TANK: variants seen among roughly 807,000 people sequenced by gnomAD.
The protein encoded by TANK is TRAF family member-associated NF-kappa-B activator.
A neutral mutation model predicts 43.6 loss-of-function variants in TANK; 15 were observed. The observed-to-expected ratio is 0.34, with a 90% CI of 0.23 to 0.53. The LOEUF is 0.53. Among genes scored for constraint, TANK ranks in the 20% least tolerant of loss-of-function variants. The probability of loss-of-function intolerance (pLI) is 0.94; values close to 1 mark genes in which losing one functional copy is unlikely to be tolerated. For synonymous variants in TANK, 162 were observed against 178.2 expected (o/e 0.91, Z 0.73); for missense variants, 417 against 498.6 (o/e 0.84, Z 1.56).
At chr2:161,173,093 C>G (rs1193519976) in intron 1 of TANK, among the ~76,000 whole-genome samples, 2 of 152,120 alleles carry the variant, frequency 1.3e-5, no homozygotes, top group Non-Finnish European at 2.9e-5. Flanking sequence ...CTAGCCATAA[C>G]TGAGTCTGCT....
intron 2 of TANK, among the ~76,000 whole-genome samples, chr2:161,187,306 C>T (rs1205864824): frequency 1.3e-5 from 2 of 152,100 alleles, no homozygotes; most frequent in Non-Finnish European, 2.9e-5. Flanking sequence ...TGGTGTGCTC[C>T]TGTAGTCCCA....
chr2:161,235,694 G>A lies in TANK; in HGVS notation c.*176G>A, dbSNP rs978830708. The A allele has an allele frequency of 8.3e-6, 4 of 482,754 alleles. No individual in the cohort carries two copies. The highest frequency in any genetic ancestry group is 8.1e-5 in the Admixed American group (2 of 24,746). 29.9% of individuals were successfully genotyped at this position (482,754 alleles called of 1,614,324 possible). On this transcript the variant is annotated 3_prime_UTR_variant, in exon 8 of 8. Coordinates refer to ENST00000392749, the MANE Select transcript of TANK (RefSeq NM_001199135.3). ...CTCTTATTTTTTAAAAGATCATTCTGTTCTTTCAAGGAGAAATAAGCCTAA... is the reference window on the plus strand; with the variant it reads ...CTCTTATTTTTTAAAAGATCATTCTATTCTTTCAAGGAGAAATAAGCCTAA...
At chr2:161,139,951 A>G (rs1683695508) in intron 1 of TANK, 1 of 956,806 alleles carries the variant, frequency 1.0e-6, no homozygotes, top group South Asian at 4.8e-5. Context: ...TATTAAGAAA[A>G]TGTATGCTAA....
intron 1 of TANK, among the ~76,000 whole-genome samples, chr2:161,174,138 A>C (rs1000691782): frequency 6.6e-6 from 1 of 152,154 alleles, no homozygotes; most frequent in Non-Finnish European, 1.5e-5. Context: ...ATATGGTCTC[A>C]ATTTTTATTG....
chr2:161,227,859 A>G (rs1687708839), intron 6 of TANK, among the ~76,000 whole-genome samples: 1 of 152,208 alleles, frequency 6.6e-6, no homozygotes, highest in African/African-American at 2.4e-5. Flanking sequence ...TGCCAGGGAA[A>G]ATGACTACTC....
At chr2:161,225,565 C>G (rs1419637655) in intron 6 of TANK, among the ~76,000 whole-genome samples, 1 of 152,134 alleles carries the variant, frequency 6.6e-6, no homozygotes, top group Non-Finnish European at 1.5e-5. Context: ...ATAGCAAAAT[C>G]TAAGGGATTA....
intron 6 of TANK, among the ~76,000 whole-genome samples, chr2:161,225,349 C>T (rs967765588): frequency 6.6e-6 from 1 of 151,970 alleles, no homozygotes; most frequent in African/African-American, 2.4e-5. Context: ...ATTCTTTGAA[C>T]TCATTTGGTT....
chr2:161,207,828 C>T, intron 4 of TANK: 2 of 985,182 alleles, frequency 2.0e-6, no homozygotes, highest in Non-Finnish European at 2.4e-6. Context: ...TAAAAGTATG[C>T]ACCCACATGG....
At chr2:161,174,434 C>A (rs1315853906) in intron 1 of TANK, among the ~76,000 whole-genome samples, 1 of 152,124 alleles carries the variant, frequency 6.6e-6, no homozygotes, top group Non-Finnish European at 1.5e-5. Flanking sequence ...TTGCTTCTCA[C>A]CATTGTGAAA....
intron 4 of TANK, chr2:161,219,768 A>G (rs1249836978): frequency 2.2e-6 from 1 of 462,444 alleles, no homozygotes; most frequent in Non-Finnish European, 4.4e-6. Context: ...TTGTCTCAGT[A>G]TATGTAGACT....
chr2:161,232,635 T>C (rs1451394761), intron 7 of TANK: 2 of 1,343,280 alleles, frequency 1.5e-6, no homozygotes, highest in Non-Finnish European at 2.0e-6. Context: ...AACAATTTCA[T>C]TTATTGCAAG....
intron 4 of TANK, among the ~76,000 whole-genome samples, chr2:161,217,440 A>G (rs1574052628): frequency 6.6e-6 from 1 of 152,152 alleles, no homozygotes; most frequent in Non-Finnish European, 1.5e-5. Flanking sequence ...TTCAGCCACT[A>G]CTGTGCCTCT....
intron 1 of TANK, chr2:161,162,838 G>A (rs1008245650): frequency 6.6e-6 from 1 of 152,072 alleles, no homozygotes. Context: ...TTCATTTGGT[G>A]TGTATATTCA....
chr2:161,230,003 A>G (rs764976367), intron 6 of TANK, among the ~76,000 whole-genome samples: 8 of 152,138 alleles, frequency 5.3e-5, no homozygotes, highest in Non-Finnish European at 1.2e-4. Context: ...CTAAGTTCTT[A>G]TATCAGCTTC....
intron 1 of TANK, chr2:161,160,976 C>T: frequency 2.3e-6 from 1 of 442,744 alleles, no homozygotes; most frequent in South Asian, 2.2e-5. Flanking sequence ...CTCTGCCTTC[C>T]TGTGGGGTGT....
intron 1 of TANK, among the ~76,000 whole-genome samples, chr2:161,143,812 G>A (rs1683822645): frequency 6.6e-6 from 1 of 152,146 alleles, no homozygotes; most frequent in African/African-American, 2.4e-5. Context: ...TTGGTATCAG[G>A]ATGATGCTGG....
chr2:161,228,015 A>G (rs911451941), intron 6 of TANK, among the ~76,000 whole-genome samples: 3 of 152,224 alleles, frequency 2.0e-5, no homozygotes, highest in Admixed American at 2.0e-4. Context: ...GAGAGATTAC[A>G]GATTCATTCA....
intron 3 of TANK, 55 bp downstream of exon 3, chr2:161,203,650 G>A (rs886843918): frequency 8.6e-7 from 1 of 1,161,552 alleles, no homozygotes; most frequent in Non-Finnish European, 1.2e-6. Flanking sequence ...GAAAAGAAAG[G>A]TGTAAGTTGA....
At chr2:161,222,998 T>C (rs1274666119) in intron 4 of TANK, 1 of 152,064 alleles carries the variant, frequency 6.6e-6, no homozygotes, top group Non-Finnish European at 1.5e-5. Context: ...AGTGAAGTAC[T>C]TCAGTGATAA....
Sources: gnomAD v4.1 joint callset for allele counts (sites outside exome capture counted in the v4.1 genomes callset) on GRCh38, gnomAD v4.1.1 for gene constraint, MANE v1.5 for transcripts, NCBI Gene and HGNC (gene_info 2026-07-23, HGNC 2026-07-21) for gene names.